MSI2: variants seen among roughly 807,000 people sequenced by gnomAD.
The protein encoded by MSI2 is RNA-binding protein Musashi homolog 2.
In MSI2, 17 loss-of-function variants were observed where a neutral mutation model predicts 45.6. That is an observed-to-expected ratio of 0.37 (90% confidence interval 0.26 to 0.56). MSI2 has a LOEUF of 0.56. MSI2 is among the 20% of genes least tolerant of loss of function. The pLI is 0.77. For synonymous variants in MSI2, 156 were observed against 158.2 expected (o/e 0.99, Z 0.11); for missense variants, 293 against 444.2 (o/e 0.66, Z 3.06).
chr17:57,657,582 G>A (rs1415685429), intron 11 of MSI2, among the ~76,000 whole-genome samples: 1 of 152,218 alleles, frequency 6.6e-6, no homozygotes, highest in Non-Finnish European at 1.5e-5. Flanking sequence ...CAAGTCAGGG[G>A]ATGGAATAAA....
intron 7 of MSI2, among the ~76,000 whole-genome samples, chr17:57,546,650 A>T (rs1453572215): frequency 6.6e-6 from 1 of 152,208 alleles, no homozygotes; most frequent in Non-Finnish European, 1.5e-5. Flanking sequence ...GGTGGATTCC[A>T]GCTTGAAGTC....
At chr17:57,409,962 C>T (rs1437693009) in intron 6 of MSI2, among the ~76,000 whole-genome samples, 6 of 132,126 alleles carry the variant, frequency 4.5e-5, no homozygotes, top group Non-Finnish European at 7.8e-5. Flanking sequence ...GAGCCGAGAT[C>T]GTGCCACTGC....
chr17:57,344,597 T>A (rs577272473), intron 5 of MSI2, among the ~76,000 whole-genome samples: 44 of 152,322 alleles, frequency 2.9e-4, no homozygotes, highest in African/African-American at 1.1e-3. Flanking sequence ...TACTGGAGTG[T>A]CTTCGTCTCT....
chr17:57,633,544 T>C (rs990391205), intron 10 of MSI2, among the ~76,000 whole-genome samples: 5 of 152,226 alleles, frequency 3.3e-5, no homozygotes, highest in African/African-American at 7.2e-5. Context: ...CCCACGGGCC[T>C]GTGTGTGGTT....
At chr17:57,272,642 A>C (rs1908475869) in intron 5 of MSI2, among the ~76,000 whole-genome samples, 2 of 152,228 alleles carry the variant, frequency 1.3e-5, no homozygotes, top group African/African-American at 4.8e-5. Flanking sequence ...GAAAAGCTGC[A>C]ACCTTGGGGG....
intron 6 of MSI2, among the ~76,000 whole-genome samples, chr17:57,464,684 G>A (rs745752070): frequency 2.0e-4 from 30 of 152,288 alleles, no homozygotes; most frequent in Non-Finnish European, 4.1e-4. Flanking sequence ...CCACGCTGCT[G>A]CCCCTTGGGA....
intron 6 of MSI2, among the ~76,000 whole-genome samples, chr17:57,432,330 C>T (rs953518273): frequency 6.6e-6 from 1 of 152,156 alleles, no homozygotes; most frequent in Non-Finnish European, 1.5e-5. Context: ...GTGCCTTGTC[C>T]CACTGCCTCC....
At chr17:57,275,167 T>C (rs1170362299) in intron 5 of MSI2, among the ~76,000 whole-genome samples, 1 of 152,220 alleles carries the variant, frequency 6.6e-6, no homozygotes, top group Admixed American at 6.5e-5. Flanking sequence ...AAGGGCTGTT[T>C]TAGCAACTTC....
the MSI2 span, among the ~76,000 whole-genome samples, chr17:57,700,858 T>C: frequency 6.6e-6 from 1 of 150,614 alleles, no homozygotes; most frequent in Non-Finnish European, 1.5e-5. Context: ...GCCGAGATCA[T>C]ACCACTGTAC....
intron 7 of MSI2, among the ~76,000 whole-genome samples, chr17:57,569,108 G>A (rs941058549): frequency 4.6e-5 from 7 of 152,090 alleles, no homozygotes; most frequent in Non-Finnish European, 7.4e-5. Flanking sequence ...GGGGTGGGAC[G>A]GTGGATTAGA....
chr17:57,261,423 T>C (rs1313059451), intron 4 of MSI2, among the ~76,000 whole-genome samples: 1 of 152,180 alleles, frequency 6.6e-6, no homozygotes, highest in African/African-American at 2.4e-5. Flanking sequence ...AGGTTGCTTA[T>C]AGATTTTTAC....
chr17:57,304,016 G>C (rs1911646416), intron 5 of MSI2, among the ~76,000 whole-genome samples: 1 of 152,090 alleles, frequency 6.6e-6, no homozygotes, highest in African/African-American at 2.4e-5. Context: ...GGGAGGGAGA[G>C]CTTTATCCAA....
rs1316343108 is a variant in MSI2 at position 57,627,049 on chromosome 17, C to T, written c.653-180C>T. The T allele has an allele frequency of 2.2e-5, 14 of 623,608 alleles. No individual in the cohort carries two copies. The highest frequency in any genetic ancestry group is 3.9e-5 in the South Asian group (2 of 50,826). The allele number at this position is 623,608 out of a possible 1,614,324, so 38.6% of individuals were successfully genotyped here. A position where few individuals can be genotyped will look rare whatever the true frequency, so the allele number is the denominator to read the frequency against. ...GTTAATTAGCAACAGCTGACAGCAG[C>T]GCCCCCGGCCACAGGAGAGAGGTGA... On this transcript the variant is annotated intron_variant, in intron 9 of 13. Transcript: ENST00000284073. The surrounding 1 kb of genome is among the most constrained non-coding windows in gnomAD (Gnocchi z 4.6).
intron 7 of MSI2, among the ~76,000 whole-genome samples, chr17:57,572,743 G>T (rs1407999931): frequency 6.6e-6 from 1 of 152,216 alleles, no homozygotes; most frequent in Non-Finnish European, 1.5e-5. Flanking sequence ...GCTCAGGGCA[G>T]AGAGCTGAGC....
intron 11 of MSI2, among the ~76,000 whole-genome samples, chr17:57,667,769 C>G (rs529656583): frequency 8.5e-4 from 129 of 152,336 alleles, no homozygotes; most frequent in African/African-American, 2.7e-3. Context: ...GAATTTACAC[C>G]ATGAGCAGAC....
chr17:57,555,264 C>T (rs767768249), intron 7 of MSI2, among the ~76,000 whole-genome samples: 1 of 152,238 alleles, frequency 6.6e-6, no homozygotes, highest in Non-Finnish European at 1.5e-5. Flanking sequence ...CTGTTTCAGA[C>T]ACCTATCCCA....
At position 57,682,458 on chromosome 17, in the gene MSI2, A is replaced by AT. The variant is rs1238535635; in HGVS notation, c.*2948dup. 5.1e-6 allele frequency: 1 copy of AT among 195,472 alleles called. No homozygotes were observed. The highest frequency in any genetic ancestry group is 1.1e-5 in the Non-Finnish European group (1 of 94,288). 12.1% of individuals were successfully genotyped at this position (195,472 alleles called of 1,614,324 possible). ...AAATGATTTTACTAAGAGAAAAAAT[A>AT]TTTTTTTAAGAATGCTCAGAAGAAA... On this transcript the variant is annotated 3_prime_UTR_variant, in exon 14 of 14. Transcript: ENST00000284073.
chr17:57,449,804 G>C (rs751780805), intron 6 of MSI2: 1 of 152,142 alleles, frequency 6.6e-6, no homozygotes, highest in Non-Finnish European at 1.5e-5. Context: ...CAGGCAGGCA[G>C]ATCATGAGGT....
chr17:57,538,233 G>A (rs1245817947), intron 7 of MSI2, among the ~76,000 whole-genome samples: 2 of 152,102 alleles, frequency 1.3e-5, no homozygotes, highest in Admixed American at 6.5e-5. Context: ...TGGCCGGAGA[G>A]GGCTGGGCCA....
Sources: gnomAD v4.1 joint callset for allele counts (sites outside exome capture counted in the v4.1 genomes callset) on GRCh38, gnomAD v4.1.1 for gene constraint, Gnocchi (gnomAD v3.1) non-coding constraint, MANE v1.5 for transcripts, NCBI Gene and HGNC (gene_info 2026-07-23, HGNC 2026-07-21) for gene names.